The following MIOX variants were observed in gnomAD, a reference collection of about 807,000 sequenced individuals.
MIOX encodes inositol oxygenase.
Under a neutral mutation model 42.7 loss-of-function variants are expected in MIOX, and 51 were observed. The observed-to-expected ratio is 1.19, with a 90% CI of 0.95 to 1.51. The LOEUF (loss-of-function observed/expected upper bound fraction) is 1.51, where lower values mean the gene tolerates loss of function less well. Among genes scored for constraint, MIOX ranks in the 40% most tolerant of loss-of-function variants. The pLI, the probability that MIOX is intolerant of heterozygous loss-of-function variation, is 0.00. For synonymous variants in MIOX, 168 were observed against 154.4 expected (o/e 1.09, Z -0.65); for missense variants, 395 against 381.3 (o/e 1.04, Z -0.30).
In MIOX at chr22:50,487,933, G is replaced by A. The variant is rs563286306; in HGVS notation, c.225G>A (p.Glu75=). The A allele has an allele frequency of 1.9e-6, 3 of 1,614,040 alleles. No individual in the cohort carries two copies. The highest frequency in any genetic ancestry group is 2.2e-5 in the East Asian group (1 of 44,882). The part of the protein sequence containing the change: ...GFSYKKMTVM[E]AVDLLDGLVD... ...CCTACAAGAAAATGACAGTCATGGA[G>A]GCCGTGGACCTGCTGGATGGGCTGG... Residue 75 remains glutamate (E), a synonymous_variant, in exon 4 of 10, where the codon GAG becomes GAA. Coordinates refer to ENST00000216075, the MANE Select transcript of MIOX (RefSeq NM_017584.6).
chr22:50,489,264 C>T lies in MIOX; in HGVS notation c.555C>T (p.Leu185=), dbSNP rs202141826. 1.9e-5 allele frequency: 30 copies of T among 1,601,394 alleles called. No homozygotes were observed. Among genetic ancestry groups the T allele is most frequent in the East Asian group, 1.3e-4 (6 of 44,684 alleles). The stretch of plus-strand genomic sequence containing the variant: ...GGATGTATCAGCCCCACTGTGGGCT[C>T]GACAGGGTCCTCATGTCCTGGGGCC... ...ELGMYQPHCG[L]DRVLMSWGHD... is the part of the protein sequence containing the mutation. Residue 185 remains leucine, a synonymous_variant, in exon 7 of 10, where the codon CTC becomes CTT. Coordinates refer to ENST00000216075, the MANE Select transcript of MIOX (RefSeq NM_017584.6).
In MIOX at chr22:50,489,789, T is replaced by C; in HGVS notation, c.791T>C (p.Val264Ala). 1 of 1,612,232 alleles carries C rather than the reference T, an allele frequency of 6.2e-7. No homozygotes were observed. The highest frequency in any genetic ancestry group is 2.2e-5 in the East Asian group (1 of 44,884). Residue 264 changes from valine to alanine, a missense_variant, in exon 10 of 10, where the codon GTG becomes GCG. Val to Ala is a moderately conservative substitution (Grantham distance 64). Coordinates refer to ENST00000216075, the MANE Select transcript of MIOX (RefSeq NM_017584.6). ...LYTKCPDLPD[V>A]DKLRPYYQGL... is the part of the protein sequence containing the mutation. ...ACCAAGTGCCCGGACCTGCCGGACG[T>C]GGACAAGCTGCGGCCCTACTACCAG...
Position 50,487,412 on chromosome 22 carries a change from C to A in MIOX, c.43C>A (p.Pro15Thr). ...VGPDPSLVYR[P>T]DVDPEVAKDK... is the part of the protein sequence containing the mutation. ...CCCAGACCCTTCCCTGGTCTACCGACCTGATGTGGACCCAGAGGTGGCCAA... is the reference window on the plus strand; with the variant it reads ...CCCAGACCCTTCCCTGGTCTACCGAACTGATGTGGACCCAGAGGTGGCCAA... The change falls in exon 2 of 10, where the codon CCT becomes ACT. Residue 15 changes from proline (P) to threonine (T), a missense_variant. Physicochemically the swap from Pro to Thr is conservative, Grantham distance 38. Coordinates refer to ENST00000216075, the MANE Select transcript of MIOX (RefSeq NM_017584.6). 6.2e-7 allele frequency: 1 copy of A among 1,613,924 alleles called. No individual in the cohort carries two copies. Among genetic ancestry groups the A allele is most frequent in the Non-Finnish European group, 8.5e-7 (1 of 1,179,914 alleles).
chr22:50,487,528 C>A, intron 2 of MIOX, 63 bp downstream of exon 2: 1 of 1,570,230 alleles, frequency 6.4e-7, no homozygotes, highest in Non-Finnish European at 8.7e-7. Context: ...CAGCACTTGC[C>A]CTTCACACAG....
In MIOX at chr22:50,489,814, G is replaced by A. The variant is rs968274128; in HGVS notation, c.816G>A (p.Gln272=). The A allele has an allele frequency of 6.2e-7, 1 of 1,611,692 alleles. No individual in the cohort carries two copies. Among genetic ancestry groups the A allele is most frequent in the African/African-American group, 1.3e-5 (1 of 74,998 alleles). ...TGGACAAGCTGCGGCCCTACTACCAGGGGCTCATTGACAAGTACTGCCCTG... is the reference window on the plus strand; with the variant it reads ...TGGACAAGCTGCGGCCCTACTACCAAGGGCTCATTGACAAGTACTGCCCTG... The part of the protein sequence containing the change: ...PDVDKLRPYY[Q]GLIDKYCPGI... Residue 272 remains glutamine (Q), a synonymous_variant, in exon 10 of 10, where the codon CAG becomes CAA. Transcript: ENST00000216075.
Position 50,489,973 on chromosome 22 carries a change from A to G in MIOX, c.*117A>G. ...TTCACCTCGGTGGGGGACCCCACTC[A>G]CCCCCTTAGGGTCGCCACCCCTCAC... On this transcript the variant is annotated 3_prime_UTR_variant, in exon 10 of 10. Transcript: ENST00000216075. 3.2e-6 allele frequency: 3 copies of G among 941,950 alleles called. No individual in the cohort carries two copies. Among genetic ancestry groups the G allele is most frequent in the Non-Finnish European group, 4.9e-6 (3 of 610,854 alleles). 58.3% of individuals were successfully genotyped at this position (941,950 alleles called of 1,614,324 possible). A position where few individuals can be genotyped will look rare whatever the true frequency, so the allele number is the denominator to read the frequency against.
rs1170952880 is a variant in MIOX at position 50,489,283 on chromosome 22, TG to T, written c.578del (p.Gly193AlafsTer9). On this transcript the variant is annotated frameshift_variant, in exon 7 of 10. Transcript: ENST00000216075. LOFTEE classifies it high-confidence loss of function. Reference protein sequence around the residue: ...HCGLDRVLMSWGHDEYMYQVM... With the variant: ...HCGLDRVLMSXGHDEYMYQVM... ...TGGGCTCGACAGGGTCCTCATGTCCTGGGGCCATGATGGTGAGGCCAGAGGC... is the reference window on the plus strand; with the variant it reads ...TGGGCTCGACAGGGTCCTCATGTCCTGGGCCATGATGGTGAGGCCAGAGGC... 2.8e-6 allele frequency: 4 copies of T among 1,406,138 alleles called. No individual in the cohort carries two copies. Among genetic ancestry groups the T allele is most frequent in the Non-Finnish European group, 2.8e-6 (3 of 1,066,918 alleles). The allele number at this position is 1,406,138 out of a possible 1,614,324, so 87.1% of individuals were successfully genotyped here.
At position 50,487,973 on chromosome 22, in the gene MIOX, C is replaced by A; in HGVS notation, c.265C>A (p.Pro89Thr). ...LLDGLVDESD[P>T]DVDFPNSFHA... ...GGATGGGCTGGTGGATGAGTCGGAC[C>A]CGGACGTAGATTTCCCCAACTCCTT... The change falls in exon 4 of 10, where the codon CCG becomes ACG. Residue 89 changes from proline (P) to threonine (T), a missense_variant. Coordinates refer to ENST00000216075, the MANE Select transcript of MIOX (RefSeq NM_017584.6). 1 of 1,614,006 alleles carries A rather than the reference C, an allele frequency of 6.2e-7. No homozygotes were observed. Among genetic ancestry groups the A allele is most frequent in the Non-Finnish European group, 8.5e-7 (1 of 1,179,938 alleles).
Position 50,487,470 on chromosome 22 carries a change from G to A in MIOX, c.96+5G>A. 1 of 1,612,280 alleles carries A rather than the reference G, an allele frequency of 6.2e-7. No homozygotes were observed. Among genetic ancestry groups the A allele is most frequent in the South Asian group, 1.1e-5 (1 of 90,976 alleles). Reference sequence around the variant, plus strand: ...GCCAGCTTCCGGAACTACACGGTGAGTACCTTGCCGTCCTGCCCCCCTTCT... The same window carrying A: ...GCCAGCTTCCGGAACTACACGGTGAATACCTTGCCGTCCTGCCCCCCTTCT... On this transcript the variant is annotated splice_donor_5th_base_variant and intron_variant, in intron 2 of 9. Coordinates refer to ENST00000216075, the MANE Select transcript of MIOX (RefSeq NM_017584.6).
chr22:50,487,627 G>A lies in MIOX; in HGVS notation c.97-35G>A, dbSNP rs778475911. The stretch of plus-strand genomic sequence containing the variant: ...GGGAGGCATGGGGCCTCGTGTGCAG[G>A]GTGGGGGTGGCGCCACTGACCCTCC... On this transcript the variant is annotated intron_variant, in intron 2 of 9. Coordinates refer to ENST00000216075, the MANE Select transcript of MIOX (RefSeq NM_017584.6). 3.1e-6 allele frequency: 5 copies of A among 1,600,870 alleles called. No homozygotes were observed. In the East Asian group the frequency reaches 8.9e-5, roughly 29 times the overall value.
At position 50,487,397 on chromosome 22, in the gene MIOX, T is replaced by C. The variant is rs907820312; in HGVS notation, c.28T>C (p.Ser10Pro). ...TCCACCTACCCAGGGCCCAGACCCT[T>C]CCCTGGTCTACCGACCTGATGTGGA... is the stretch of plus-strand genomic sequence containing the variant. Reference protein sequence around the residue: MKVTVGPDPSLVYRPDVDPE... With the variant: MKVTVGPDPPLVYRPDVDPE... The change falls in exon 2 of 10, where the codon TCC becomes CCC. Residue 10 changes from serine (S) to proline (P), a missense_variant. Transcript: ENST00000216075. The C allele has an allele frequency of 1.2e-6, 2 of 1,613,430 alleles. No individual in the cohort carries two copies. Among genetic ancestry groups the C allele is most frequent in the Admixed American group, 1.7e-5 (1 of 59,956 alleles).
chr22:50,489,730 C>T lies in MIOX; in HGVS notation c.750-18C>T, dbSNP rs760298608. ...CCTGGGGGTTCTTCACGGGGCTCACCGCCCCTCCCTGCTGCAGCAAGTTCG... is the reference window on the plus strand; with the variant it reads ...CCTGGGGGTTCTTCACGGGGCTCACTGCCCCTCCCTGCTGCAGCAAGTTCG... On this transcript the variant is annotated intron_variant, in intron 9 of 9. Transcript: ENST00000216075. The T allele has an allele frequency of 3.6e-5, 58 of 1,610,186 alleles. No homozygotes were observed. The highest frequency in any genetic ancestry group is 4.5e-5 in the Non-Finnish European group (53 of 1,179,176).
intron 2 of MIOX, 34 bp from the exon 3 acceptor site, chr22:50,487,628 G>A (rs1286778209): frequency 6.2e-7 from 1 of 1,601,368 alleles, no homozygotes; most frequent in South Asian, 1.1e-5. Context: ...CGTGTGCAGG[G>A]TGGGGGTGGC....
rs139782124 is a variant in MIOX, at chr22:50,487,423, C to A, written c.54C>A (p.Asp18Glu). ...DPSLVYRPDV[D>E]PEVAKDKASF... ...CCCTGGTCTACCGACCTGATGTGGA[C>A]CCAGAGGTGGCCAAAGACAAGGCCA... The change falls in exon 2 of 10, where the codon GAC becomes GAA. Residue 18 changes from aspartate (D) to glutamate (E), a missense_variant. Coordinates refer to ENST00000216075, the MANE Select transcript of MIOX (RefSeq NM_017584.6). 1.9e-6 allele frequency: 3 copies of A among 1,613,938 alleles called. No homozygotes were observed. Among genetic ancestry groups the A allele is most frequent in the Non-Finnish European group, 2.5e-6 (3 of 1,179,930 alleles).
chr22:50,487,728 T>C lies in MIOX; in HGVS notation c.163T>C (p.Phe55Leu). 1 of 1,613,878 alleles carries C rather than the reference T, an allele frequency of 6.2e-7. No homozygotes were observed. The highest frequency in any genetic ancestry group is 1.1e-5 in the South Asian group (1 of 91,080). ...CATGCACACGCACCAGACAGTGGAC[T>C]TCGTCAGGAGCAAGGTAGGCGTTTC... ...KLMHTHQTVD[F>L]VRSKHAQFGG... Residue 55 changes from phenylalanine (F) to leucine (L), a missense_variant, in exon 3 of 10, where the codon TTC becomes CTC. Transcript: ENST00000216075.
At position 50,490,372 on chromosome 22, in the gene MIOX, C is replaced by T. The variant is rs538915633; in HGVS notation, c.*516C>T. On this transcript the variant is annotated 3_prime_UTR_variant, in exon 10 of 10. Transcript: ENST00000216075. ...GCGGCTCACACCTATAATCCCAGCA[C>T]TTTGGGAGGGCGAGGTGGGCGGATC... 4 of 159,546 alleles carry T rather than the reference C, an allele frequency of 2.5e-5. No homozygotes were observed. Among genetic ancestry groups the T allele is most frequent in the African/African-American group, 7.2e-5 (3 of 41,740 alleles). 9.9% of individuals were successfully genotyped at this position (159,546 alleles called of 1,614,324 possible).
chr22:50,488,723 A>C (rs1265377291), intron 5 of MIOX, among the ~76,000 whole-genome samples: 12 of 50,010 alleles, frequency 2.4e-4, no homozygotes, highest in South Asian at 8.2e-4. Context: ...ACCTTCCCCC[A>C]CTTCCCCCAC....
intron 1 of MIOX, 43 bp from the exon 2 acceptor site, chr22:50,487,342 G>A (rs2232879): frequency 0.1 from 159,582 of 1,521,292 alleles, 9,340 homozygotes; most frequent in African/African-American, 0.14. Context: ...TCCTCGTGGA[G>A]CTGACATGAT....
In MIOX at chr22:50,489,117, G is replaced by A; in HGVS notation, c.486G>A (p.Gln162=). 6.2e-7 allele frequency: 1 copy of A among 1,613,192 alleles called. No individual in the cohort carries two copies. Among genetic ancestry groups the A allele is most frequent in the East Asian group, 2.2e-5 (1 of 44,864 alleles). Residue 162 remains glutamine, a synonymous_variant, in exon 6 of 10, where the codon CAG becomes CAA. Transcript: ENST00000216075. ...ASVVFCDSTF[Q]DNPDLQDPRY... is the part of the protein sequence containing the mutation. ...TGGTTTTCTGCGACTCCACCTTCCA[G>A]GACAACCCTGACCTCCAGGATCCTC...
Sources: gnomAD v4.1 joint callset for allele counts (sites outside exome capture counted in the v4.1 genomes callset) on GRCh38, gnomAD v4.1.1 for gene constraint, MANE v1.5 for transcripts, NCBI Gene and HGNC (gene_info 2026-07-23, HGNC 2026-07-21) for gene names.